The following CDH2 variants were observed in gnomAD, a reference collection of about 807,000 sequenced individuals.
CDH2 encodes the protein cadherin-2.
Under a neutral mutation model 92.0 loss-of-function variants are expected in CDH2, and 17 were observed. The observed-to-expected ratio is 0.18, with a 90% CI of 0.13 to 0.28. CDH2 has a LOEUF of 0.28. Ranked by LOEUF, CDH2 falls within the 10% of genes least tolerant of loss-of-function variation. CDH2 has a pLI of 1.00. For missense variants in CDH2, 862 were observed against 1,133.1 expected (o/e 0.76, Z 3.44); for synonymous variants, 419 against 415.9 (o/e 1.01, Z -0.09).
At chr18:28,175,517 G>C (rs1315105589) in intron 1 of CDH2, among the ~76,000 whole-genome samples, 11 of 151,986 alleles carry the variant, frequency 7.2e-5, no homozygotes, top group Admixed American at 7.2e-4. Context: ...ACCATGGACA[G>C]GGCTCCGCGC....
At chr18:27,968,867 G>A (rs896248199) in intron 14 of CDH2, among the ~76,000 whole-genome samples, 2 of 152,108 alleles carry the variant, frequency 1.3e-5, no homozygotes, top group African/African-American at 2.4e-5. Context: ...AGCTGACTGC[G>A]GCACAGGCAA....
rs547313047 is a variant in CDH2, at chr18:28,132,327, G to T, written c.172+15346C>A. Among the ~76,000 whole-genome samples, 4 of 152,270 alleles carry T rather than the reference G, an allele frequency of 2.6e-5. No homozygotes were observed. The East Asian group carries it at 7.7e-4, about 29-fold the overall frequency. On this transcript the variant is annotated intron_variant, in intron 2 of 15. Coordinates refer to ENST00000269141, the MANE Select transcript of CDH2 (RefSeq NM_001792.5). ...GGCCCAGGGATAGGAAAAGCTTCTG[G>T]ATTATATTAATTCAGCAGCTCAATG...
At chr18:28,026,985 T>A (rs949055397) in intron 2 of CDH2, among the ~76,000 whole-genome samples, 4 of 152,118 alleles carry the variant, frequency 2.6e-5, no homozygotes, top group African/African-American at 9.7e-5. Context: ...TAAAAGTTGA[T>A]GCCCTCCTCC....
At chr18:27,979,217 T>G (rs2143936168) in intron 14 of CDH2, among the ~76,000 whole-genome samples, 1 of 152,120 alleles carries the variant, frequency 6.6e-6, no homozygotes, top group East Asian at 1.9e-4. Context: ...TAAACAAACG[T>G]CATGAAATAA....
At position 27,989,294 on chromosome 18, in the gene CDH2, TA is replaced by T. The variant is rs572848847; in HGVS notation, c.1599-629del. 8.5e-4 allele frequency among the ~76,000 whole-genome samples: 129 copies of T among 152,306 alleles called. 2 individuals carry two copies. Among genetic ancestry groups the T allele is most frequent in the African/African-American group, 3.0e-3 (125 of 41,578 alleles). On this transcript the variant is annotated intron_variant, in intron 10 of 15. Transcript: ENST00000269141. Reference sequence around the variant, plus strand: ...AAAATTTGGAGTGGGGATTAACTTTTAAAGATTAGATAACCAGTTGGATTGG... The same window carrying T: ...AAAATTTGGAGTGGGGATTAACTTTTAAGATTAGATAACCAGTTGGATTGG...
chr18:28,161,507 G>A (rs1429814961), intron 1 of CDH2, among the ~76,000 whole-genome samples: 1 of 150,332 alleles, frequency 6.7e-6, no homozygotes, highest in Non-Finnish European at 1.5e-5. Flanking sequence ...TTGAACCCAG[G>A]AGGAGGAGAA....
intron 1 of CDH2, among the ~76,000 whole-genome samples, chr18:28,163,813 T>A (rs1025174502): frequency 6.6e-6 from 1 of 152,194 alleles, no homozygotes; most frequent in African/African-American, 2.4e-5. Context: ...ATGATGTATA[T>A]GCATATATAA....
At chr18:28,013,470 C>A (rs2013153725) in intron 3 of CDH2, among the ~76,000 whole-genome samples, 1 of 152,234 alleles carries the variant, frequency 6.6e-6, no homozygotes, top group South Asian at 2.1e-4. Context: ...ATAAACAAAT[C>A]TTTAAAATAC....
At chr18:28,065,205 A>G (rs2014483230) in intron 2 of CDH2, among the ~76,000 whole-genome samples, 1 of 152,154 alleles carries the variant, frequency 6.6e-6, no homozygotes, top group African/African-American at 2.4e-5. Context: ...TCATTCACCA[A>G]GGGTTTTTAT....
intron 2 of CDH2, among the ~76,000 whole-genome samples, chr18:28,035,653 C>A (rs2013807425): frequency 6.6e-6 from 1 of 151,928 alleles, no homozygotes; most frequent in South Asian, 2.1e-4. Context: ...CAGGTTAATT[C>A]CACTTATAAT....
At chr18:28,001,489 G>A (rs1374928644) in intron 7 of CDH2, among the ~76,000 whole-genome samples, 1 of 152,146 alleles carries the variant, frequency 6.6e-6, no homozygotes, top group Admixed American at 6.5e-5. Flanking sequence ...AAAGAATACT[G>A]AAAATTACCC....
chr18:28,109,842 G>A (rs531267320), intron 2 of CDH2, among the ~76,000 whole-genome samples: 2 of 152,310 alleles, frequency 1.3e-5, no homozygotes, highest in East Asian at 3.9e-4. Context: ...AAAGCACATA[G>A]TGTCAGCATG....
intron 2 of CDH2, among the ~76,000 whole-genome samples, chr18:28,143,862 C>T (rs914923195): frequency 3.9e-5 from 6 of 151,962 alleles, no homozygotes; most frequent in Admixed American, 6.6e-5. Flanking sequence ...ATGGGTGAAG[C>T]TGGAAGCCAT....
chr18:28,116,987 T>C (rs1435128906), intron 2 of CDH2, among the ~76,000 whole-genome samples: 1 of 152,172 alleles, frequency 6.6e-6, no homozygotes, highest in Non-Finnish European at 1.5e-5. Context: ...CTCCTACAGA[T>C]GTGCCCACGA....
At position 27,982,651 on chromosome 18, in the gene CDH2, T is replaced by C. The variant is rs544656779; in HGVS notation, c.2349+293A>G. Among the ~76,000 whole-genome samples, 401 of 152,042 alleles carry C rather than the reference T, an allele frequency of 2.6e-3. 2 individuals carry two copies. Among genetic ancestry groups the C allele is most frequent in the African/African-American group, 9.4e-3 (390 of 41,480 alleles). ...AGATGCTTTTAATATATTTTGGATA[T>C]CCAGTGAAGAGAAACTGTAAAGTAT... is the stretch of plus-strand genomic sequence containing the variant. On this transcript the variant is annotated intron_variant, in intron 14 of 15. Transcript: ENST00000269141.
chr18:27,970,388 T>C (rs993525728), intron 14 of CDH2, among the ~76,000 whole-genome samples: 10 of 152,360 alleles, frequency 6.6e-5, no homozygotes, highest in African/African-American at 2.4e-4. Flanking sequence ...TATCTCAGCA[T>C]GACCTATTAA....
At chr18:28,031,444 C>A (rs1037047723) in intron 2 of CDH2, among the ~76,000 whole-genome samples, 1 of 152,074 alleles carries the variant, frequency 6.6e-6, no homozygotes, top group Non-Finnish European at 1.5e-5. Flanking sequence ...ACAACATCTA[C>A]GGTGGCCTTT....
At chr18:28,051,577 T>G (rs929364040) in intron 2 of CDH2, among the ~76,000 whole-genome samples, 1 of 152,170 alleles carries the variant, frequency 6.6e-6, no homozygotes, top group African/African-American at 2.4e-5. Context: ...AATTAAGATA[T>G]TAAATGTCAA....
intron 2 of CDH2, among the ~76,000 whole-genome samples, chr18:28,094,085 T>C (rs1285295372): frequency 1.3e-5 from 2 of 152,334 alleles, no homozygotes; most frequent in East Asian, 3.9e-4. Flanking sequence ...GGAGAAAATA[T>C]ATCCTTCTAC....
Sources: allele counts gnomAD v4.1 joint callset (sites outside exome capture counted in the v4.1 genomes callset), GRCh38; gene constraint gnomAD v4.1.1; transcripts MANE v1.5; gene names NCBI Gene and HGNC (gene_info 2026-07-23, HGNC 2026-07-21).